Variants in WRNIP1 observed in about 807,000 individuals in gnomAD.
WRNIP1 encodes the protein ATPase WRNIP1.
Under a neutral mutation model 56.1 loss-of-function variants are expected in WRNIP1, and 41 were observed. That is an observed-to-expected ratio of 0.73 (90% CI 0.57 to 0.95). WRNIP1 has a LOEUF of 0.95. Ranked by LOEUF, WRNIP1 falls within the 40% of genes least tolerant of loss-of-function variation. WRNIP1 has a pLI of 0.00. For synonymous variants in WRNIP1, 547 were observed against 398.1 expected (o/e 1.37, Z -4.45); for missense variants, 1,170 against 939.4 (o/e 1.25, Z -3.21).
At chr6:2,770,438 G>A in intron 3 of WRNIP1, 77 bp downstream of exon 3, 1 of 1,577,774 alleles carries the variant, frequency 6.3e-7, no homozygotes, top group East Asian at 2.3e-5. Context: ...GAAAGGGCCG[G>A]GCGTCAGTGA....
Position 2,765,842 on chromosome 6 carries a change from C to T in WRNIP1, c.220C>T (p.Leu74=), listed in dbSNP as rs1291484304. 5 of 1,396,338 alleles carry T rather than the reference C, an allele frequency of 3.6e-6. No homozygotes were observed. The highest frequency in any genetic ancestry group is 3.7e-6 in the Non-Finnish European group (4 of 1,075,938). 86.5% of individuals were successfully genotyped at this position (1,396,338 alleles called of 1,614,324 possible). ...PSPPGAKRRR[L]SESSALKQPA... ...GCCGCCCGGCGCCAAGAGGCGGCGGCTGTCGGAGAGCTCGGCGCTGAAGCA... is the reference window on the plus strand; with the variant it reads ...GCCGCCCGGCGCCAAGAGGCGGCGGTTGTCGGAGAGCTCGGCGCTGAAGCA... Residue 74 remains leucine, a synonymous_variant, in exon 1 of 7, where the codon CTG becomes TTG. Coordinates refer to ENST00000380773, the MANE Select transcript of WRNIP1 (RefSeq NM_020135.3).
At chr6:2,774,163 A>G (rs1765378419) in intron 3 of WRNIP1, 2 of 985,118 alleles carry the variant, frequency 2.0e-6, no homozygotes, top group Non-Finnish European at 2.4e-6. Context: ...AAATTTTTTA[A>G]GTACATTAAT....
intron 3 of WRNIP1, 25 bp from the exon 4 acceptor site, chr6:2,779,238 G>C: frequency 6.2e-7 from 1 of 1,610,284 alleles, no homozygotes; most frequent in Non-Finnish European, 8.5e-7. Context: ...GAGTGTGACC[G>C]TAACTAACCC....
intron 2 of WRNIP1, among the ~76,000 whole-genome samples, chr6:2,769,694 A>G (rs1258767433): frequency 1.3e-5 from 2 of 152,310 alleles, no homozygotes; most frequent in Non-Finnish European, 2.9e-5. Context: ...GAATAATAAT[A>G]ATATGATTGA....
chr6:2,765,872 G>C lies in WRNIP1; in HGVS notation c.250G>C (p.Ala84Pro). 6.9e-7 allele frequency: 1 copy of C among 1,445,508 alleles called. No individual in the cohort carries two copies. The highest frequency in any genetic ancestry group is 9.1e-7 in the Non-Finnish European group (1 of 1,100,586). The allele number at this position is 1,445,508 out of a possible 1,614,324, so 89.5% of individuals were successfully genotyped here. A position where few individuals can be genotyped will look rare whatever the true frequency, so the allele number is the denominator to read the frequency against. ...GGAGAGCTCGGCGCTGAAGCAGCCA[G>C]CCACCCCGACGGCAGCCGAGAGCAG... ...LSESSALKQP[A>P]TPTAAESSEG... Residue 84 changes from alanine (A) to proline (P), a missense_variant, in exon 1 of 7, where the codon GCC (alanine) becomes CCC (proline). Physicochemically the swap from Ala to Pro is conservative, Grantham distance 27. Coordinates refer to ENST00000380773, the MANE Select transcript of WRNIP1 (RefSeq NM_020135.3).
chr6:2,783,757 G>C (rs1765639542), intron 5 of WRNIP1, among the ~76,000 whole-genome samples, 196 bp downstream of exon 5: 1 of 147,216 alleles, frequency 6.8e-6, no homozygotes, highest in South Asian at 2.2e-4. Context: ...TTTATTTCCT[G>C]GTGTATGTGC....
chr6:2,772,073 C>T (rs1275034522), intron 3 of WRNIP1, among the ~76,000 whole-genome samples: 1 of 152,168 alleles, frequency 6.6e-6, no homozygotes, highest in East Asian at 1.9e-4. Flanking sequence ...CACCTCTCCC[C>T]AGTCACTGCC....
In WRNIP1 at chr6:2,766,221, T is replaced by G. The variant is rs1193157455; in HGVS notation, c.599T>G (p.Phe200Cys). ...GACGCTGCCGAAGCCGCCACCGCCT[T>G]CGGGGCCAGTGGCGGGGGCCGCCCG... ...DADAAEAATAFGASGGGRPHP... is the reference protein window; with the variant it reads ...DADAAEAATACGASGGGRPHP... Residue 200 changes from phenylalanine to cysteine, a missense_variant, in exon 1 of 7, where the codon TTC becomes TGC. Phe to Cys is a radical substitution (Grantham distance 205). Transcript: ENST00000380773. 3 of 1,491,058 alleles carry G rather than the reference T, an allele frequency of 2.0e-6. No homozygotes were observed. Among genetic ancestry groups the G allele is most frequent in the Non-Finnish European group, 2.7e-6 (3 of 1,117,304 alleles). 92.4% of individuals were successfully genotyped at this position (1,491,058 alleles called of 1,614,324 possible). A position where few individuals can be genotyped will look rare whatever the true frequency, so the allele number is the denominator to read the frequency against.
chr6:2,779,383 G>A lies in WRNIP1; in HGVS notation c.1377G>A (p.Lys459=), dbSNP rs1263684791. ...LAVLARLSSR[K]MFCKKSGQSY... is the part of the protein sequence containing the mutation. ...TGCTGGCTAGGTTAAGCTCTAGGAA[G>A]ATGTTCTGTAAGAAGAGTGGGCAAT... The change falls in exon 4 of 7, where the codon AAG becomes AAA. Residue 459 remains lysine (K), a synonymous_variant. Transcript: ENST00000380773. The A allele has an allele frequency of 3.1e-6, 5 of 1,614,228 alleles. No homozygotes were observed. In the Admixed American group the frequency reaches 5.0e-5, roughly 16 times the overall value.
rs8333 is a variant in WRNIP1 at position 2,766,231 on chromosome 6, T to C, written c.609T>C (p.Ser203=). The change falls in exon 1 of 7, where the codon AGT becomes AGC. Residue 203 remains serine (S), a synonymous_variant. Transcript: ENST00000380773. ...AAGCCGCCACCGCCTTCGGGGCCAG[T>C]GGCGGGGGCCGCCCGCACCCCCGGG... ...AAEAATAFGA[S]GGGRPHPRAL... The C allele has an allele frequency of 0.44, 644,206 of 1,476,792 alleles. 141,442 individuals are homozygous for C. The highest frequency in any genetic ancestry group is 0.56 in the South Asian group (41,363 of 74,330). 91.5% of individuals were successfully genotyped at this position (1,476,792 alleles called of 1,614,324 possible). A position where few individuals can be genotyped will look rare whatever the true frequency, so the allele number is the denominator to read the frequency against.
At chr6:2,767,410 T>C (rs999773009) in intron 1 of WRNIP1, among the ~76,000 whole-genome samples, 26 of 152,374 alleles carry the variant, frequency 1.7e-4, no homozygotes, top group Middle Eastern at 3.4e-3. Context: ...AAGGCTTTTA[T>C]GATTTTTCTC....
At chr6:2,773,006 A>G in intron 3 of WRNIP1, 1 of 985,432 alleles carries the variant, frequency 1.0e-6, no homozygotes, top group Non-Finnish European at 1.2e-6. Context: ...TAGAACATTT[A>G]CAGAGAAGTC....
Position 2,765,547 on chromosome 6 carries a change from C to G in WRNIP1, c.-76C>G. On this transcript the variant is annotated 5_prime_UTR_variant, in exon 1 of 7. Transcript: ENST00000380773. ...GAGGGTCTCGCGGCGCGGGGCCTAG[C>G]GGAGGGCATCGAAGGCCTCCGCGTG... 7.4e-7 allele frequency: 1 copy of G among 1,357,788 alleles called. No individual in the cohort carries two copies. The highest frequency in any genetic ancestry group is 9.4e-7 in the Non-Finnish European group (1 of 1,062,752). 84.1% of individuals were successfully genotyped at this position (1,357,788 alleles called of 1,614,324 possible).
Position 2,766,088 on chromosome 6 carries a change from A to C in WRNIP1, c.466A>C (p.Ser156Arg). The stretch of plus-strand genomic sequence containing the variant: ...CGCGGCGGGGAGCGCGTCTCCGCGC[A>C]GCTGGGACGAGGCGGAGGCGCAGGA... ...AAAAGSASPRSWDEAEAQEEE... is the reference protein window; with the variant it reads ...AAAAGSASPRRWDEAEAQEEE... The change falls in exon 1 of 7, where the codon AGC (serine) becomes CGC (arginine). Residue 156 changes from serine to arginine, a missense_variant. Physicochemically the swap from Ser to Arg is moderately radical, Grantham distance 110. Coordinates refer to ENST00000380773, the MANE Select transcript of WRNIP1 (RefSeq NM_020135.3). 7.6e-7 allele frequency: 1 copy of C among 1,312,158 alleles called. No individual in the cohort carries two copies. Among genetic ancestry groups the C allele is most frequent in the Non-Finnish European group, 9.6e-7 (1 of 1,037,544 alleles). 81.3% of individuals were successfully genotyped at this position (1,312,158 alleles called of 1,614,324 possible). A position where few individuals can be genotyped will look rare whatever the true frequency, so the allele number is the denominator to read the frequency against.
At chr6:2,767,494 C>T (rs1458579324) in intron 1 of WRNIP1, among the ~76,000 whole-genome samples, 1 of 152,202 alleles carries the variant, frequency 6.6e-6, no homozygotes, top group Non-Finnish European at 1.5e-5. Context: ...GAATGAATTG[C>T]CCTTTTTGTG....
At chr6:2,782,326 A>G (rs1412283483) in intron 4 of WRNIP1, among the ~76,000 whole-genome samples, 1 of 152,218 alleles carries the variant, frequency 6.6e-6, no homozygotes, top group East Asian at 1.9e-4. Context: ...AGCTGGGCTG[A>G]CCCATCCATC....
intron 3 of WRNIP1, among the ~76,000 whole-genome samples, chr6:2,778,085 A>T (rs1023199747): frequency 6.6e-6 from 1 of 152,178 alleles, no homozygotes; most frequent in Non-Finnish European, 1.5e-5. Context: ...TATTTGGGTT[A>T]CTCAGTGAGC....
intron 3 of WRNIP1, 37 bp from the exon 4 acceptor site, chr6:2,779,226 C>T: frequency 2.5e-6 from 4 of 1,601,550 alleles, no homozygotes; most frequent in Non-Finnish European, 3.4e-6. Context: ...AGTATGCAGC[C>T]TGAGTGTGAC....
chr6:2,765,447 G>A lies in WRNIP1; in HGVS notation c.-176G>A. The A allele has an allele frequency of 1.4e-6, 1 of 739,846 alleles. No homozygotes were observed. The highest frequency in any genetic ancestry group is 1.8e-6 in the Non-Finnish European group (1 of 550,724). The allele number at this position is 739,846 out of a possible 1,614,324, so 45.8% of individuals were successfully genotyped here. On this transcript the variant is annotated 5_prime_UTR_variant, in exon 1 of 7. Transcript: ENST00000380773. ...GCCAGCGGCCGGCCGAGGGCGGGCG[G>A]ACGCGGGAGCTGCGGACGTGAGGCA...
Sources: allele counts gnomAD v4.1 joint callset (sites outside exome capture counted in the v4.1 genomes callset), GRCh38; gene constraint gnomAD v4.1.1; transcripts MANE v1.5; gene names NCBI Gene and HGNC (gene_info 2026-07-23, HGNC 2026-07-21).